Variants in CMC2 observed in about 807,000 individuals in gnomAD.
CMC2 encodes the protein C-X9-C motif containing 2, also known as COX assembly mitochondrial protein 2 homolog.
CMC2 carries 5 observed loss-of-function variants against 7.5 expected under a neutral mutation model. That is an observed-to-expected ratio of 0.66 (90% CI 0.35 to 1.40). CMC2 has a LOEUF of 1.40. Ranked by LOEUF, CMC2 falls within the 40% of genes most tolerant of loss-of-function variation. CMC2 has a pLI of 0.04. For synonymous variants in CMC2, 37 were observed against 31.4 expected (o/e 1.18, Z -0.60); for missense variants, 115 against 92.3 (o/e 1.25, Z -1.01).
rs1463440328 is a variant in CMC2 at position 80,969,086 on chromosome 16, G to A, written c.*7007C>T. 1 of 152,222 alleles carries A rather than the reference G, an allele frequency of 6.6e-6. No individual in the cohort carries two copies. Among genetic ancestry groups the A allele is most frequent in the Non-Finnish European group, 1.5e-5 (1 of 68,034 alleles). 9.4% of individuals were successfully genotyped at this position (152,222 alleles called of 1,614,324 possible). A position where few individuals can be genotyped will look rare whatever the true frequency, so the allele number is the denominator to read the frequency against. The stretch of plus-strand genomic sequence containing the variant: ...TCCCATTGGTAAGTTAAGTGTGTGT[G>A]TCAGAAAGTTACTGGTGGGAAATTC... On this transcript the variant is annotated 3_prime_UTR_variant, in exon 4 of 4. Transcript: ENST00000219400.
intron 2 of CMC2, among the ~76,000 whole-genome samples, chr16:80,990,865 C>T (rs969705374): frequency 6.6e-6 from 1 of 152,076 alleles, no homozygotes; most frequent in Non-Finnish European, 1.5e-5. Context: ...GCTGGGACTA[C>T]AGGCATGTGT....
intron 2 of CMC2, among the ~76,000 whole-genome samples, chr16:80,986,616 T>C (rs976627299): frequency 1.3e-5 from 2 of 152,214 alleles, no homozygotes; most frequent in East Asian, 3.8e-4. Flanking sequence ...CCATGGACTA[T>C]GGCAGTGGCA....
rs1469881656 is a variant in CMC2 at position 80,967,398 on chromosome 16, G to A, written c.*8695C>T. On this transcript the variant is annotated 3_prime_UTR_variant, in exon 4 of 4. Coordinates refer to ENST00000219400, the MANE Select transcript of CMC2 (RefSeq NM_020188.5). ...CGTGTCGCCCAGGCTGGAGTGCAGT[G>A]GCACGATCTCGGCTCACTGCAAGCT... The A allele has an allele frequency of 1.3e-5, 2 of 152,882 alleles. No homozygotes were observed. The highest frequency in any genetic ancestry group is 2.9e-5 in the Non-Finnish European group (2 of 68,632). The allele number at this position is 152,882 out of a possible 1,614,324, so 9.5% of individuals were successfully genotyped here. A position where few individuals can be genotyped will look rare whatever the true frequency, so the allele number is the denominator to read the frequency against.
intron 2 of CMC2, among the ~76,000 whole-genome samples, chr16:80,996,212 T>G (rs1968403296): frequency 6.6e-6 from 1 of 152,154 alleles, no homozygotes; most frequent in African/African-American, 2.4e-5. Context: ...ACAACATAAA[T>G]CTAAAGGGCT....
At chr16:81,005,725 A>G (rs1028272957) in intron 1 of CMC2, among the ~76,000 whole-genome samples, 22 of 152,180 alleles carry the variant, frequency 1.4e-4, no homozygotes, top group African/African-American at 5.1e-4. Context: ...TCCACCGAAG[A>G]GTTTCTCAGA....
intron 1 of CMC2, 58 bp downstream of exon 1, chr16:81,006,676 G>C: frequency 1.0e-6 from 1 of 980,622 alleles, no homozygotes; most frequent in Non-Finnish European, 1.2e-6. Context: ...CGCGCCATCA[G>C]GGACCTGAGG....
chr16:81,004,425 A>C (rs1023267601), intron 1 of CMC2, among the ~76,000 whole-genome samples: 1 of 152,172 alleles, frequency 6.6e-6, no homozygotes. Flanking sequence ...CTGCCTGGGG[A>C]GGAAGGCTTA....
Position 80,972,081 on chromosome 16 carries a change from C to G in CMC2, c.*4012G>C, listed in dbSNP as rs898608140. ...AGCTTAGAGGACAGAAATGGCCCCACAGGCCTCTAGCCCAGGCCACCTGCT... is the reference window on the plus strand; with the variant it reads ...AGCTTAGAGGACAGAAATGGCCCCAGAGGCCTCTAGCCCAGGCCACCTGCT... On this transcript the variant is annotated 3_prime_UTR_variant, in exon 4 of 4. Coordinates refer to ENST00000219400, the MANE Select transcript of CMC2 (RefSeq NM_020188.5). The G allele has an allele frequency of 1.3e-5, 2 of 152,220 alleles. No homozygotes were observed. Among genetic ancestry groups the G allele is most frequent in the African/African-American group, 4.8e-5 (2 of 41,440 alleles). 9.4% of individuals were successfully genotyped at this position (152,220 alleles called of 1,614,324 possible).
At chr16:80,988,049 T>C (rs1326085397) in intron 2 of CMC2, among the ~76,000 whole-genome samples, 1 of 151,352 alleles carries the variant, frequency 6.6e-6, no homozygotes, top group Non-Finnish European at 1.5e-5. Flanking sequence ...CCAGGCATGA[T>C]GGCACACACC....
chr16:80,975,883 C>T lies in CMC2; in HGVS notation c.*210G>A. 1 of 454,580 alleles carries T rather than the reference C, an allele frequency of 2.2e-6. No homozygotes were observed. Among genetic ancestry groups the T allele is most frequent in the Non-Finnish European group, 3.9e-6 (1 of 256,866 alleles). The allele number at this position is 454,580 out of a possible 1,614,324, so 28.2% of individuals were successfully genotyped here. A position where few individuals can be genotyped will look rare whatever the true frequency, so the allele number is the denominator to read the frequency against. On this transcript the variant is annotated 3_prime_UTR_variant, in exon 4 of 4. Coordinates refer to ENST00000219400, the MANE Select transcript of CMC2 (RefSeq NM_020188.5). ...GCAAAGGGAATAAACATGGTGAAGT[C>T]AGGTTTGCTGGTAAAGGGGAGACAG... is the stretch of plus-strand genomic sequence containing the variant.
At chr16:81,005,425 A>AAT (rs113325840) in intron 1 of CMC2, among the ~76,000 whole-genome samples, 16,642 of 149,378 alleles carry the variant, frequency 0.11, 1,029 homozygotes, top group East Asian at 0.25. Context: ...ATAAAATTTA[A>AAT]ATATATATAT....
rs146325334 is a variant in CMC2, at chr16:80,997,084, T to C, written c.81+230A>G. ...ATGGATTCCAACTGTTACATACCAGTTCAGACGTTCCCTAACAAACTACCA... is the reference window on the plus strand; with the variant it reads ...ATGGATTCCAACTGTTACATACCAGCTCAGACGTTCCCTAACAAACTACCA... On this transcript the variant is annotated intron_variant, in intron 2 of 3. Transcript: ENST00000219400. 9.7e-4 allele frequency: 544 copies of C among 561,106 alleles called. 2 individuals are homozygous for C. Among genetic ancestry groups the C allele is most frequent in the African/African-American group, 5.1e-3 (272 of 52,934 alleles). The allele number at this position is 561,106 out of a possible 1,614,324, so 34.8% of individuals were successfully genotyped here. A position where few individuals can be genotyped will look rare whatever the true frequency, so the allele number is the denominator to read the frequency against.
chr16:80,979,084 A>T (rs1227584155), intron 3 of CMC2, among the ~76,000 whole-genome samples: 1 of 151,458 alleles, frequency 6.6e-6, no homozygotes, highest in African/African-American at 2.4e-5. Context: ...CTGGCAAAAA[A>T]AATAAAAAAA....
At chr16:80,989,957 T>C (rs1967841411) in intron 2 of CMC2, among the ~76,000 whole-genome samples, 1 of 152,216 alleles carries the variant, frequency 6.6e-6, no homozygotes, top group South Asian at 2.1e-4. Flanking sequence ...CTACTTTGTC[T>C]TTAGCCTACG....
intron 2 of CMC2, among the ~76,000 whole-genome samples, chr16:80,989,552 A>G (rs931473120): frequency 2.0e-5 from 3 of 152,340 alleles, no homozygotes; most frequent in Non-Finnish European, 1.5e-5. Flanking sequence ...TCCCAGCCCT[A>G]GCCCTACAAT....
chr16:80,999,459 G>T (rs1597271293), intron 1 of CMC2, among the ~76,000 whole-genome samples: 1 of 152,144 alleles, frequency 6.6e-6, no homozygotes, highest in Non-Finnish European at 1.5e-5. Context: ...TGGATTGGGA[G>T]AATCAATATC....
chr16:80,979,609 T>A (rs1480333242), intron 3 of CMC2, among the ~76,000 whole-genome samples: 41 of 151,600 alleles, frequency 2.7e-4, no homozygotes, highest in African/African-American at 9.2e-4. Flanking sequence ...TTATTTATTT[T>A]TTATTTTATT....
chr16:80,976,745 G>T (rs16954364), intron 3 of CMC2, among the ~76,000 whole-genome samples: 2,014 of 152,234 alleles, frequency 0.013, 46 homozygotes, highest in African/African-American at 0.046. Context: ...TAAACCAAAA[G>T]TGCTGCCTTG....
chr16:81,003,078 T>G (rs1160264830), intron 1 of CMC2, among the ~76,000 whole-genome samples: 4 of 152,190 alleles, frequency 2.6e-5, no homozygotes, highest in African/African-American at 9.7e-5. Flanking sequence ...TTCCATCCAC[T>G]TTGTGTCACT....
Sources: allele counts gnomAD v4.1 joint callset (sites outside exome capture counted in the v4.1 genomes callset), GRCh38; gene constraint gnomAD v4.1.1; transcripts MANE v1.5; gene names NCBI Gene and HGNC (gene_info 2026-07-23, HGNC 2026-07-21).